Variants in MDN1 observed in about 807,000 individuals in gnomAD.
MDN1 encodes midasin.
MDN1 carries 266 observed loss-of-function variants against 669.2 expected under a neutral mutation model. The ratio of observed to expected loss-of-function variants is 0.40; its 90% CI spans 0.36 to 0.44. MDN1 has a LOEUF of 0.44. Ranked by LOEUF, MDN1 falls within the 20% of genes least tolerant of loss-of-function variation. The pLI is 1.00. For missense variants in MDN1, 5,940 were observed against 6,754.0 expected, an observed-to-expected ratio of 0.88 and a Z score of 4.22; for synonymous variants, 2,385 against 2,457.1, an observed-to-expected ratio of 0.97 and a Z score of 0.87.
intron 33 of MDN1, among the ~76,000 whole-genome samples, chr6:89,733,009 T>C (rs552785033): frequency 1.2e-3 from 188 of 152,252 alleles, no homozygotes; most frequent in African/African-American, 4.4e-3. Context: ...AAACAAAACC[T>C]TGGGAGTTAT....
chr6:89,763,275 T>G (rs1242103914), intron 15 of MDN1, among the ~76,000 whole-genome samples: 1 of 141,174 alleles, frequency 7.1e-6, no homozygotes, highest in African/African-American at 2.7e-5. Flanking sequence ...AAACGAAGAG[T>G]AGGAGAGAGC....
At chr6:89,675,121 G>C (rs9294444) in intron 78 of MDN1, among the ~76,000 whole-genome samples, 128,900 of 152,206 alleles carry the variant, frequency 0.85, 54,729 homozygotes, top group East Asian at 1. Context: ...ACCATGAACA[G>C]AAGCCTAACT....
At chr6:89,806,068 G>A (rs762327483) in intron 1 of MDN1, among the ~76,000 whole-genome samples, 6 of 152,060 alleles carry the variant, frequency 3.9e-5, no homozygotes, top group Non-Finnish European at 7.4e-5. Context: ...CCCCTAAGTA[G>A]CTAGGATTAC....
At chr6:89,791,572 C>T (rs893737149) in intron 5 of MDN1, among the ~76,000 whole-genome samples, 9 of 152,074 alleles carry the variant, frequency 5.9e-5, no homozygotes, top group African/African-American at 2.2e-4. Context: ...CTATACCATT[C>T]TTTCTACTTT....
chr6:89,725,116 G>C, intron 38 of MDN1, 83 bp downstream of exon 38: 7 of 1,283,108 alleles, frequency 5.5e-6, no homozygotes, highest in Non-Finnish European at 6.7e-6. Flanking sequence ...AATTCTCATA[G>C]TGAATATCCT....
chr6:89,799,222 G>A (rs1450723914), intron 2 of MDN1, among the ~76,000 whole-genome samples: 1 of 152,166 alleles, frequency 6.6e-6, no homozygotes, highest in Non-Finnish European at 1.5e-5. Flanking sequence ...CAATCCATCT[G>A]CTATTCTTCA....
Position 89,730,706 on chromosome 6 carries a change from T to G in MDN1, c.5140+20A>C. 1 of 1,598,188 alleles carries G rather than the reference T, an allele frequency of 6.3e-7. No individual in the cohort carries two copies. Among genetic ancestry groups the G allele is most frequent in the Non-Finnish European group, 8.5e-7 (1 of 1,173,266 alleles). Reference sequence around the variant, plus strand: ...TGATCTATAGAAAAGGAAAATTCATTTTTTAAAAATCATTCTTACCCCTTG... The same window carrying G: ...TGATCTATAGAAAAGGAAAATTCATGTTTTAAAAATCATTCTTACCCCTTG... On this transcript the variant is annotated intron_variant, in intron 35 of 101. Transcript: ENST00000369393.
In MDN1 at chr6:89,680,663, A is replaced by G; in HGVS notation, c.12191T>C (p.Met4064Thr). 1 of 1,614,054 alleles carries G rather than the reference A, an allele frequency of 6.2e-7. No individual in the cohort carries two copies. Among genetic ancestry groups the G allele is most frequent in the East Asian group, 2.2e-5 (1 of 44,880 alleles). The change falls in exon 74 of 102, where the codon ATG (methionine) becomes ACG (threonine). Residue 4064 changes from methionine to threonine, a missense_variant. Physicochemically the swap from Met to Thr is moderately conservative, Grantham distance 81. Transcript: ENST00000369393. ...CATGAACGTCAGGCACATCTTCCTCATGCGTTTCCTGAGCTTTGGCAAGCG... is the reference window on the plus strand; with the variant it reads ...CATGAACGTCAGGCACATCTTCCTCGTGCGTTTCCTGAGCTTTGGCAAGCG... Reference protein sequence around the residue: ...LRRLPKLRKRMRKMCLTFMKE... With the variant: ...LRRLPKLRKRTRKMCLTFMKE...
chr6:89,815,473 C>T (rs1008299141), intron 1 of MDN1: 5 of 320,978 alleles, frequency 1.6e-5, no homozygotes, highest in South Asian at 2.5e-5. Flanking sequence ...AGCTTCCTGG[C>T]GGAAGCTCCC....
chr6:89,774,767 C>G, intron 12 of MDN1, 34 bp from the exon 13 acceptor site: 1 of 1,452,164 alleles, frequency 6.9e-7, no homozygotes, highest in East Asian at 2.3e-5. Flanking sequence ...GAGTAAAAAT[C>G]CACATGCTTT....
At chr6:89,727,701 G>A in intron 37 of MDN1, 132 bp downstream of exon 37, 1 of 1,410,784 alleles carries the variant, frequency 7.1e-7, no homozygotes, top group Non-Finnish European at 9.7e-7. Flanking sequence ...AACTACAGAG[G>A]ATCTTTTCAT....
intron 2 of MDN1, among the ~76,000 whole-genome samples, chr6:89,796,000 C>T (rs1321721760): frequency 6.6e-6 from 1 of 151,220 alleles, no homozygotes; most frequent in African/African-American, 2.4e-5. Context: ...TATTATATAA[C>T]CAATGCCATG....
chr6:89,701,155 CG>C (rs1813132531), intron 55 of MDN1, among the ~76,000 whole-genome samples: 1 of 152,186 alleles, frequency 6.6e-6, no homozygotes, highest in Non-Finnish European at 1.5e-5. Flanking sequence ...TTCAACCAAC[CG>C]TGGGTCGAAA....
chr6:89,794,785 A>G lies in MDN1; in HGVS notation c.346T>C (p.Phe116Leu), dbSNP rs1384029684. 1 of 1,614,118 alleles carries G rather than the reference A, an allele frequency of 6.2e-7. No homozygotes were observed. The highest frequency in any genetic ancestry group is 8.5e-7 in the Non-Finnish European group (1 of 1,179,950). Residue 116 changes from phenylalanine (F) to leucine (L), a missense_variant, in exon 3 of 102, where the codon TTC (phenylalanine) becomes CTC (leucine). By Grantham distance (22) the Phe-to-Leu change is conservative. This residue lies in a region of MDN1 where 1,203 missense variants were observed against 1,268.9 expected (regional missense o/e 0.95). Coordinates refer to ENST00000369393, the MANE Select transcript of MDN1 (RefSeq NM_014611.3). ...TGAAAGACTGGGGATGTGTCCTTGA[A>G]ATATCTCAGGGCAAACCTTCAAACA... ...PDVLPFALRYFKDTSPVFQRL... is the reference protein window; with the variant it reads ...PDVLPFALRYLKDTSPVFQRL...
At position 89,702,029 on chromosome 6, in the gene MDN1, G is replaced by A; in HGVS notation, c.8181C>T (p.Phe2727=). ...ILGSLRWRDR[F]WTVADTVKVD... ...CTTTTACTGTGTCGGCCACAGTCCAGAACCGGTCCCGCCACCGCAGAGAAC... is the reference window on the plus strand; with the variant it reads ...CTTTTACTGTGTCGGCCACAGTCCAAAACCGGTCCCGCCACCGCAGAGAAC... Residue 2727 remains phenylalanine (F), a synonymous_variant, in exon 54 of 102, where the codon TTC becomes TTT. Transcript: ENST00000369393. 1 of 1,612,042 alleles carries A rather than the reference G, an allele frequency of 6.2e-7. No homozygotes were observed. Among genetic ancestry groups the A allele is most frequent in the Non-Finnish European group, 8.5e-7 (1 of 1,179,134 alleles).
At chr6:89,770,326 C>A (rs1177423081) in intron 15 of MDN1, among the ~76,000 whole-genome samples, 2 of 149,942 alleles carry the variant, frequency 1.3e-5, no homozygotes, top group South Asian at 4.2e-4. Context: ...ATCACCTGAA[C>A]GTGGGAGCCG....
At chr6:89,732,857 G>A in intron 33 of MDN1, 82 bp from the exon 34 acceptor site, 1 of 1,228,564 alleles carries the variant, frequency 8.1e-7, no homozygotes, top group African/African-American at 1.5e-5. Flanking sequence ...CACACAAATG[G>A]CCTAAAAGGG....
At position 89,658,263 on chromosome 6, in the gene MDN1, G is replaced by A; in HGVS notation, c.15129C>T (p.Asn5043=). 1 of 1,614,214 alleles carries A rather than the reference G, an allele frequency of 6.2e-7. No individual in the cohort carries two copies. The highest frequency in any genetic ancestry group is 8.5e-7 in the Non-Finnish European group (1 of 1,180,044). The change falls in exon 90 of 102, where the codon AAC becomes AAT. Residue 5043 remains asparagine (N), a synonymous_variant. Transcript: ENST00000369393. ...CGQTGVENMQ[N]TQAMELAGAA... Reference sequence around the variant, plus strand: ...CCCCAGCCAGCTCCATGGCCTGTGTGTTCTGCATGTTCTCCACACCAGTCT... The same window carrying A: ...CCCCAGCCAGCTCCATGGCCTGTGTATTCTGCATGTTCTCCACACCAGTCT...
chr6:89,756,422 G>C (rs780052392), intron 19 of MDN1, 32 bp from the exon 20 acceptor site: 6 of 1,078,588 alleles, frequency 5.6e-6, no homozygotes, highest in Non-Finnish European at 8.2e-6. Flanking sequence ...ACACTTTTTA[G>C]GAAGTTAATA....
Sources: gnomAD v4.1 joint callset for allele counts (sites outside exome capture counted in the v4.1 genomes callset) on GRCh38, gnomAD v4.1.1 for gene constraint, gnomAD v4.1.1 regional missense constraint, MANE v1.5 for transcripts, NCBI Gene and HGNC (gene_info 2026-07-23, HGNC 2026-07-21) for gene names.